Variants in PIP4K2A observed in about 807,000 individuals in gnomAD.
PIP4K2A encodes phosphatidylinositol-5-phosphate 4-kinase type 2 alpha, also known as phosphatidylinositol 5-phosphate 4-kinase type-2 alpha.
In PIP4K2A, 14 loss-of-function variants were observed where a neutral mutation model predicts 42.9. That is an observed-to-expected ratio of 0.33 (90% CI 0.22 to 0.51). The LOEUF is 0.51. Among genes scored for constraint, PIP4K2A ranks in the 20% least tolerant of loss-of-function variants. The pLI is 0.97. For synonymous variants in PIP4K2A, 192 were observed against 192.2 expected (o/e 1.00, Z 0.01); for missense variants, 434 against 519.8 (o/e 0.83, Z 1.61).
rs1838405180 is a variant in PIP4K2A at position 22,624,929 on chromosome 10, G to A, written c.145-15212C>T. Among the ~76,000 whole-genome samples, 3 of 152,286 alleles carry A rather than the reference G, an allele frequency of 2.0e-5. No homozygotes were observed. In the South Asian group the frequency reaches 6.2e-4, roughly 32 times the overall value. On this transcript the variant is annotated intron_variant, in intron 1 of 9. Transcript: ENST00000376573. ...GGAAATAGAATATTCTAGTGTATTA[G>A]AAATCTTGCCAGAGAGTTTCAAACC...
At chr10:22,547,107 A>G (rs967727779) in intron 7 of PIP4K2A, among the ~76,000 whole-genome samples, 4 of 152,172 alleles carry the variant, frequency 2.6e-5, no homozygotes, top group African/African-American at 9.7e-5. Context: ...TACGAGTCTA[A>G]GACTATCCTT....
intron 1 of PIP4K2A, among the ~76,000 whole-genome samples, chr10:22,611,313 C>A (rs912055823): frequency 1.7e-4 from 26 of 152,078 alleles, no homozygotes; most frequent in African/African-American, 6.0e-4. Flanking sequence ...TCACTTGTAT[C>A]CAGGATTTCA....
intron 1 of PIP4K2A, among the ~76,000 whole-genome samples, chr10:22,668,409 T>C (rs987218686): frequency 1.3e-5 from 2 of 152,186 alleles, no homozygotes; most frequent in Non-Finnish European, 2.9e-5. Context: ...CCTGGCTAAG[T>C]AGCACAGTGT....
Position 22,536,959 on chromosome 10 carries a change from C to A in PIP4K2A, c.*242G>T, listed in dbSNP as rs1302159787. 2 of 224,890 alleles carry A rather than the reference C, an allele frequency of 8.9e-6. No individual in the cohort carries two copies. Among genetic ancestry groups the A allele is most frequent in the Non-Finnish European group, 1.4e-5 (2 of 138,788 alleles). 13.9% of individuals were successfully genotyped at this position (224,890 alleles called of 1,614,324 possible). On this transcript the variant is annotated 3_prime_UTR_variant, in exon 10 of 10. Coordinates refer to ENST00000376573, the MANE Select transcript of PIP4K2A (RefSeq NM_005028.5). ...AATGCACACGCGCGCACACACTCAC[C>A]CCCCCCCAACACACACACACACACA...
In PIP4K2A at chr10:22,539,972, C is replaced by T; in HGVS notation, c.1139G>A (p.Gly380Asp). ...AGGAAACAAAATGGAGATACTCACG[C>T]CATGTTTAACAGTTTTTGCAGCATG... is the stretch of plus-strand genomic sequence containing the variant. ...AAHAAKTVKH[G>D]AGAEISTVNP... The change falls in exon 9 of 10, where the codon GGC becomes GAC. Residue 380 changes from glycine (G) to aspartate (D), a missense_variant and splice_region_variant. Coordinates refer to ENST00000376573, the MANE Select transcript of PIP4K2A (RefSeq NM_005028.5). The T allele has an allele frequency of 6.4e-7, 1 of 1,566,508 alleles. No individual in the cohort carries two copies. The highest frequency in any genetic ancestry group is 8.8e-7 in the Non-Finnish European group (1 of 1,136,804).
chr10:22,660,324 A>T (rs1839179730), intron 1 of PIP4K2A, among the ~76,000 whole-genome samples: 1 of 152,076 alleles, frequency 6.6e-6, no homozygotes, highest in African/African-American at 2.4e-5. Context: ...ATAAAAAATT[A>T]GCCGGGTGTG....
At chr10:22,546,115 G>T (rs909253495) in intron 7 of PIP4K2A, among the ~76,000 whole-genome samples, 59 of 152,214 alleles carry the variant, frequency 3.9e-4, no homozygotes, top group Admixed American at 3.9e-3. Context: ...GGTCTCACTC[G>T]CCAGTTCCAT....
At chr10:22,703,603 C>G (rs938603918) in intron 1 of PIP4K2A, among the ~76,000 whole-genome samples, 2 of 152,144 alleles carry the variant, frequency 1.3e-5, no homozygotes, top group African/African-American at 4.8e-5. Context: ...CAGTAAGATC[C>G]TGCAGGTCAG....
chr10:22,700,278 C>T lies in PIP4K2A; in HGVS notation c.144+13905G>A, dbSNP rs141127424. Among the ~76,000 whole-genome samples the T allele has an allele frequency of 5.9e-5, 9 of 152,316 alleles. No individual in the cohort carries two copies. The East Asian group carries it at 1.7e-3, about 29-fold the overall frequency. On this transcript the variant is annotated intron_variant, in intron 1 of 9. Coordinates refer to ENST00000376573, the MANE Select transcript of PIP4K2A (RefSeq NM_005028.5). ...TCCTACACCACATTCCCGATAGCACCGATCTCATACAAGTGAATCTGCATT... is the reference window on the plus strand; with the variant it reads ...TCCTACACCACATTCCCGATAGCACTGATCTCATACAAGTGAATCTGCATT...
intron 1 of PIP4K2A, among the ~76,000 whole-genome samples, chr10:22,686,482 A>G (rs1839766329): frequency 6.6e-6 from 1 of 152,096 alleles, no homozygotes; most frequent in Admixed American, 6.6e-5. Flanking sequence ...TTGGATTTTT[A>G]TTTTTTAATT....
intron 1 of PIP4K2A, among the ~76,000 whole-genome samples, chr10:22,627,556 G>T (rs1173575834): frequency 1.1e-5 from 1 of 87,128 alleles, no homozygotes; most frequent in Non-Finnish European, 2.2e-5. Context: ...ACTGAAAATA[G>T]ACCTGCATTT....
intron 1 of PIP4K2A, among the ~76,000 whole-genome samples, chr10:22,704,534 T>C (rs967028732): frequency 6.6e-6 from 1 of 150,800 alleles, no homozygotes; most frequent in Admixed American, 6.7e-5. Context: ...CTCACATGTA[T>C]AATCCCAGCA....
chr10:22,627,041 C>G lies in PIP4K2A; in HGVS notation c.145-17324G>C, dbSNP rs907614658. Reference sequence around the variant, plus strand: ...ACATGAGTTTTGCATAAATAATTCTCTCTTCTCCCCATCTCCTCCCACGCA... The same window carrying G: ...ACATGAGTTTTGCATAAATAATTCTGTCTTCTCCCCATCTCCTCCCACGCA... On this transcript the variant is annotated intron_variant, in intron 1 of 9. Transcript: ENST00000376573. Among the ~76,000 whole-genome samples, 4 of 152,150 alleles carry G rather than the reference C, an allele frequency of 2.6e-5. No individual in the cohort carries two copies. In the East Asian group the frequency reaches 7.7e-4, roughly 29 times the overall value.
intron 1 of PIP4K2A, among the ~76,000 whole-genome samples, chr10:22,673,089 G>T (rs1214560861): frequency 6.6e-6 from 1 of 152,128 alleles, no homozygotes; most frequent in African/African-American, 2.4e-5. Context: ...CTTGCTATTT[G>T]ATAACCTCTA....
At chr10:22,677,186 G>C (rs918279490) in intron 1 of PIP4K2A, among the ~76,000 whole-genome samples, 1 of 152,094 alleles carries the variant, frequency 6.6e-6, no homozygotes, top group African/African-American at 2.4e-5. Context: ...GGCCCAGCTG[G>C]GGTTGAGAAT....
chr10:22,685,746 G>C (rs1248888329), intron 1 of PIP4K2A, among the ~76,000 whole-genome samples: 2 of 151,930 alleles, frequency 1.3e-5, no homozygotes, highest in Non-Finnish European at 2.9e-5. Context: ...GAGAAGAAGT[G>C]GGGGTGGCGG....
At chr10:22,539,270 AT>A (rs1312690001) in intron 9 of PIP4K2A, among the ~76,000 whole-genome samples, 2 of 152,106 alleles carry the variant, frequency 1.3e-5, no homozygotes, top group Non-Finnish European at 2.9e-5. Flanking sequence ...TCCTGAAGCT[AT>A]TTTCCTCAGT....
intron 1 of PIP4K2A, among the ~76,000 whole-genome samples, chr10:22,707,083 G>GA (rs1340293622): frequency 6.6e-6 from 1 of 152,082 alleles, no homozygotes; most frequent in African/African-American, 2.4e-5. Context: ...AGAAGTTTGA[G>GA]ACCAGCCTGG....
At chr10:22,675,721 C>T (rs976920723) in intron 1 of PIP4K2A, among the ~76,000 whole-genome samples, 1 of 152,176 alleles carries the variant, frequency 6.6e-6, no homozygotes, top group Non-Finnish European at 1.5e-5. Context: ...CAATGTAGTA[C>T]AATTCTCCTG....
Sources: gnomAD v4.1 joint callset for allele counts (sites outside exome capture counted in the v4.1 genomes callset) on GRCh38, gnomAD v4.1.1 for gene constraint, MANE v1.5 for transcripts, NCBI Gene and HGNC (gene_info 2026-07-23, HGNC 2026-07-21) for gene names.